Variants in GLIS3 observed in about 807,000 individuals in gnomAD.
The protein encoded by GLIS3 is GLIS family zinc finger 3.
GLIS3 carries 53 observed loss-of-function variants against 78.6 expected under a neutral mutation model. The observed-to-expected ratio is 0.67, with a 90% CI of 0.54 to 0.85. The LOEUF (loss-of-function observed/expected upper bound fraction) is 0.85, where lower values mean the gene tolerates loss of function less well. Ranked by LOEUF, GLIS3 falls within the 40% of genes least tolerant of loss-of-function variation. The probability of loss-of-function intolerance (pLI) is 0.00; values close to 1 mark genes in which losing one functional copy is unlikely to be tolerated. For missense variants in GLIS3, 1,703 were observed against 1,231.1 expected (o/e 1.38, Z -5.74); for synonymous variants, 684 against 509.9 (o/e 1.34, Z -4.60).
chr9:4,331,606 C>A (rs892924130), intron 2 of GLIS3, among the ~76,000 whole-genome samples: 5 of 152,164 alleles, frequency 3.3e-5, no homozygotes, highest in African/African-American at 4.8e-5. Context: ...GGAGCCTGTA[C>A]TTGAGCGACA....
Position 4,241,974 on chromosome 9 carries a change from G to A in GLIS3, c.388+44064C>T, listed in dbSNP as rs180930856. Among the ~76,000 whole-genome samples, 31 of 152,282 alleles carry A rather than the reference G, an allele frequency of 2.0e-4. No homozygotes were observed. The East Asian group carries it at 2.7e-3, about 13-fold the overall frequency. On this transcript the variant is annotated intron_variant, in intron 2 of 10. Transcript: ENST00000381971. ...GCTGAGATTACAGGCATCGGCCACC[G>A]TGCCTGGCCCCATAGCACATTTGCT...
intron 4 of GLIS3, chr9:3,975,112 T>C (rs938652877): frequency 2.6e-5 from 4 of 152,166 alleles, no homozygotes; most frequent in Admixed American, 2.0e-4. Context: ...TATAATCTTA[T>C]ATTGTGAATA....
At chr9:3,829,615 C>G (rs1378343074) in intron 9 of GLIS3, 123 bp from the exon 10 acceptor site, 20 of 899,470 alleles carry the variant, frequency 2.2e-5, no homozygotes, top group Non-Finnish European at 3.1e-5. Context: ...ACTCTTAAGG[C>G]CACCTGTAGA....
At chr9:4,294,643 C>T (rs1383295217) in intron 1 of GLIS3, among the ~76,000 whole-genome samples, 2 of 152,176 alleles carry the variant, frequency 1.3e-5, no homozygotes, top group Non-Finnish European at 2.9e-5. Flanking sequence ...TAACTTTCTA[C>T]ACTACATTAC....
chr9:3,839,152 T>C (rs1818561196), intron 9 of GLIS3, among the ~76,000 whole-genome samples: 1 of 152,230 alleles, frequency 6.6e-6, no homozygotes, highest in Non-Finnish European at 1.5e-5. Context: ...GTTCCCATTT[T>C]AGACAATGAG....
At chr9:3,947,095 A>T (rs1030198322) in intron 4 of GLIS3, among the ~76,000 whole-genome samples, 2 of 152,216 alleles carry the variant, frequency 1.3e-5, no homozygotes, top group Non-Finnish European at 1.5e-5. Context: ...GTCCCAGGTT[A>T]TAACTATGCT....
chr9:4,354,959 AC>A, the GLIS3 span, among the ~76,000 whole-genome samples: 20 of 152,038 alleles, frequency 1.3e-4, no homozygotes, highest in South Asian at 4.2e-4. Flanking sequence ...TACTAAAAAT[AC>A]CAAAAATTAC....
intron 4 of GLIS3, among the ~76,000 whole-genome samples, chr9:3,999,805 C>A (rs755307574): frequency 6.6e-6 from 1 of 151,962 alleles, no homozygotes; most frequent in Non-Finnish European, 1.5e-5. Context: ...TAAGAACAGC[C>A]AAGTCAGGTT....
At chr9:4,028,047 T>C (rs1460158613) in intron 4 of GLIS3, among the ~76,000 whole-genome samples, 1 of 152,176 alleles carries the variant, frequency 6.6e-6, no homozygotes, top group Non-Finnish European at 1.5e-5. Flanking sequence ...AGCGGCAGCA[T>C]AGTACTTATC....
rs1819748827 is a variant in GLIS3, at chr9:3,855,868, G to T, written c.2473+141C>A. On this transcript the variant is annotated intron_variant, in intron 9 of 10. Transcript: ENST00000381971. Reference sequence around the variant, plus strand: ...CCATAGGATTTCATGCCTATCAAGTGTGAAATTTTAGAGGCAAGTCATGAA... The same window carrying T: ...CCATAGGATTTCATGCCTATCAAGTTTGAAATTTTAGAGGCAAGTCATGAA... 3 of 903,562 alleles carry T rather than the reference G, an allele frequency of 3.3e-6. No homozygotes were observed. The African/African-American group carries it at 4.9e-5, about 15-fold the overall frequency. 56.0% of individuals were successfully genotyped at this position (903,562 alleles called of 1,614,324 possible).
chr9:4,365,366 G>T, the GLIS3 span, among the ~76,000 whole-genome samples: 1 of 151,968 alleles, frequency 6.6e-6, no homozygotes, highest in Non-Finnish European at 1.5e-5. Flanking sequence ...GACTAGCCTG[G>T]CCAATATGGT....
chr9:4,486,118 A>T, the GLIS3 span, among the ~76,000 whole-genome samples: 1 of 152,220 alleles, frequency 6.6e-6, no homozygotes, highest in Non-Finnish European at 1.5e-5. Flanking sequence ...TTTTCAATGC[A>T]TAATTTAAAT....
intron 2 of GLIS3, among the ~76,000 whole-genome samples, chr9:4,252,301 T>C (rs545943951): frequency 6.6e-5 from 10 of 152,190 alleles, no homozygotes; most frequent in Non-Finnish European, 1.5e-4. Context: ...GCTTTGTTCA[T>C]TCCTTTTCAT....
At chr9:4,329,544 T>C (rs1817652588) in intron 2 of GLIS3, among the ~76,000 whole-genome samples, 1 of 152,088 alleles carries the variant, frequency 6.6e-6, no homozygotes, top group South Asian at 2.1e-4. Flanking sequence ...GAGAAGTCAA[T>C]AGGCTAGAAA....
chr9:4,166,940 C>A (rs189047341), intron 2 of GLIS3, among the ~76,000 whole-genome samples: 47 of 152,314 alleles, frequency 3.1e-4, no homozygotes, highest in Non-Finnish European at 4.9e-4. Context: ...AGGTTAAAAA[C>A]AAAAAGTCAC....
intron 1 of GLIS3, among the ~76,000 whole-genome samples, chr9:4,298,962 C>G (rs1816866700): frequency 6.6e-6 from 1 of 152,220 alleles, no homozygotes; most frequent in Admixed American, 6.5e-5. Context: ...CGAGAGACCT[C>G]ACGTCACCCC....
At chr9:3,998,139 T>A (rs978247852) in intron 4 of GLIS3, among the ~76,000 whole-genome samples, 2 of 152,168 alleles carry the variant, frequency 1.3e-5, no homozygotes, top group Non-Finnish European at 2.9e-5. Flanking sequence ...TCTTTGAGCA[T>A]CTCCTTGCTT....
At chr9:4,168,575 T>C (rs556559977) in intron 2 of GLIS3, among the ~76,000 whole-genome samples, 2 of 152,320 alleles carry the variant, frequency 1.3e-5, no homozygotes, top group East Asian at 3.9e-4. Flanking sequence ...ATCCTGAATA[T>C]TATGTGCTAA....
intron 2 of GLIS3, among the ~76,000 whole-genome samples, chr9:4,343,998 G>A (rs1367945474): frequency 6.6e-6 from 1 of 152,042 alleles, no homozygotes; most frequent in East Asian, 1.9e-4. Flanking sequence ...AAAATAAACT[G>A]TACACAAAAC....
Sources: gnomAD v4.1 joint callset for allele counts (sites outside exome capture counted in the v4.1 genomes callset) on GRCh38, gnomAD v4.1.1 for gene constraint, MANE v1.5 for transcripts, NCBI Gene and HGNC (gene_info 2026-07-23, HGNC 2026-07-21) for gene names.